CRAT: variants seen among roughly 807,000 people sequenced by gnomAD.
CRAT encodes carnitine O-acetyltransferase, also known as carnitine acetylase.
Under a neutral mutation model 73.7 loss-of-function variants are expected in CRAT, and 66 were observed. That is an observed-to-expected ratio of 0.90 (90% CI 0.73 to 1.10). CRAT has a LOEUF of 1.10. Among genes scored for constraint, CRAT ranks in the 50% least tolerant of loss-of-function variants. The pLI is 0.00. For synonymous variants in CRAT, 321 were observed against 343.2 expected, an observed-to-expected ratio of 0.94 and a Z score of 0.71; for missense variants, 745 against 846.9, an observed-to-expected ratio of 0.88 and a Z score of 1.49.
chr9:129,101,549 G>A (rs577864331), intron 6 of CRAT, among the ~76,000 whole-genome samples: 58 of 152,362 alleles, frequency 3.8e-4, no homozygotes, highest in Middle Eastern at 3.4e-3. Flanking sequence ...TTAAAGACAC[G>A]CTGTTTGAGC....
chr9:129,102,302 G>C (rs921771906), intron 5 of CRAT, 98 bp downstream of exon 5: 1 of 1,513,708 alleles, frequency 6.6e-7, no homozygotes, highest in Non-Finnish European at 9.1e-7. Flanking sequence ...ACGTGGGCAC[G>C]TGTGCTGGGG....
intron 12 of CRAT, 68 bp from the exon 13 acceptor site, chr9:129,096,203 C>T: frequency 6.3e-7 from 1 of 1,590,180 alleles, no homozygotes; most frequent in South Asian, 1.1e-5. Context: ...CCCTCTTCAG[C>T]CTGTGGCAGC....
At chr9:129,109,598 C>G (rs1344395177) in intron 1 of CRAT, among the ~76,000 whole-genome samples, 1 of 152,162 alleles carries the variant, frequency 6.6e-6, no homozygotes, top group Non-Finnish European at 1.5e-5. Context: ...TCGGATGGTC[C>G]TGGAGGATGA....
rs752545690 is a variant in CRAT at position 129,101,870 on chromosome 9, C to T, written c.805+13G>A. On this transcript the variant is annotated intron_variant, in intron 6 of 13. Coordinates refer to ENST00000318080, the MANE Select transcript of CRAT (RefSeq NM_000755.5). ...CCTGGGTGTGCAGCCCCAGCACGGC[C>T]CCCAAGAGGCACCTTTGATGAGGGT... The T allele has an allele frequency of 1.2e-6, 2 of 1,612,478 alleles. No homozygotes were observed. Among genetic ancestry groups the T allele is most frequent in the East Asian group, 4.5e-5 (2 of 44,870 alleles).
At chr9:129,101,753 C>T in intron 6 of CRAT, 130 bp downstream of exon 6, 1 of 1,207,290 alleles carries the variant, frequency 8.3e-7, no homozygotes, top group African/African-American at 1.5e-5. Flanking sequence ...CCTTCATGAA[C>T]TCTTAACCTG....
At position 129,107,623 on chromosome 9, in the gene CRAT, T is replaced by G. The variant is rs1848094038; in HGVS notation, c.291+191A>C. ...TTCATTACCTTTCTCTCCTCCCTACTTGAATGTTAGCTCCAAGGAGCTGGT... is the reference window on the plus strand; with the variant it reads ...TTCATTACCTTTCTCTCCTCCCTACGTGAATGTTAGCTCCAAGGAGCTGGT... On this transcript the variant is annotated intron_variant, in intron 2 of 13. Transcript: ENST00000318080. This position sits in a 1 kb window ranked among gnomAD's most constrained non-coding sequence, Gnocchi z 5.0. The G allele has an allele frequency of 1.3e-6, 1 of 789,324 alleles. No individual in the cohort carries two copies. Among genetic ancestry groups the G allele is most frequent in the East Asian group, 2.7e-5 (1 of 37,496 alleles). 48.9% of individuals were successfully genotyped at this position (789,324 alleles called of 1,614,324 possible). A position where few individuals can be genotyped will look rare whatever the true frequency, so the allele number is the denominator to read the frequency against.
rs1847845477 is a variant in CRAT at position 129,104,060 on chromosome 9, T to A, written c.410+128A>T. The A allele has an allele frequency of 6.5e-6, 4 of 618,172 alleles. No individual in the cohort carries two copies. In the South Asian group the frequency reaches 7.8e-5, roughly 12 times the overall value. The allele number at this position is 618,172 out of a possible 1,614,324, so 38.3% of individuals were successfully genotyped here. A position where few individuals can be genotyped will look rare whatever the true frequency, so the allele number is the denominator to read the frequency against. ...TTCCCCATTTGTAAAATAGGGAGGA[T>A]GCTCCCTACTTCATAAGGCTGCTTG... On this transcript the variant is annotated intron_variant, in intron 3 of 13. Coordinates refer to ENST00000318080, the MANE Select transcript of CRAT (RefSeq NM_000755.5).
rs1395748643 is a variant in CRAT at position 129,106,576 on chromosome 9, T to C, written c.291+1238A>G. ...CTGTTTGAAGGAGTCCCAGGCTAAA[T>C]GAAGTCGGAAAACCACCAGCCCCCA... On this transcript the variant is annotated intron_variant, in intron 2 of 13. Transcript: ENST00000318080. The surrounding 1 kb of genome is among the most constrained non-coding windows in gnomAD (Gnocchi z 4.0). 2.6e-5 allele frequency among the ~76,000 whole-genome samples: 4 copies of C among 151,908 alleles called. No individual in the cohort carries two copies. Among genetic ancestry groups the C allele is most frequent in the African/African-American group, 9.7e-5 (4 of 41,314 alleles).
chr9:129,104,117 C>T, intron 3 of CRAT, 71 bp downstream of exon 3: 1 of 1,181,990 alleles, frequency 8.5e-7, no homozygotes. Flanking sequence ...GTCGGGGCCC[C>T]TCCAAGCGGC....
chr9:129,098,635 A>G lies in CRAT; in HGVS notation c.1101T>C (p.Leu367=). ...GCAGGGGCACCAGGGGAGACCGCAC[A>G]AGCTCGGGTTTCTTCCTGCACAGTA... is the stretch of plus-strand genomic sequence containing the variant. The part of the protein sequence containing the change: ...YVIEYTKKPE[L]VRSPLVPLPM... Residue 367 remains leucine (L), a synonymous_variant, in exon 9 of 14, where the codon CTT becomes CTC. Coordinates refer to ENST00000318080, the MANE Select transcript of CRAT (RefSeq NM_000755.5). The G allele has an allele frequency of 1.2e-6, 2 of 1,602,562 alleles. No homozygotes were observed. Among genetic ancestry groups the G allele is most frequent in the Middle Eastern group, 3.3e-4 (2 of 5,986 alleles).
intron 4 of CRAT, 139 bp from the exon 5 acceptor site, chr9:129,102,704 G>C (rs72760512): frequency 2.1e-5 from 22 of 1,044,914 alleles, no homozygotes; most frequent in Non-Finnish European, 3.0e-5. Flanking sequence ...GGACACCTCA[G>C]GGCTGTGCTG....
chr9:129,104,798 G>T lies in CRAT; in HGVS notation c.292-492C>A, dbSNP rs569657336. ...TTTTTGTATTTTTAGTAGAGACGGG[G>T]TTTCACCGTGTTAGCCAGGATGGTC... On this transcript the variant is annotated intron_variant, in intron 2 of 13. Transcript: ENST00000318080. Among the ~76,000 whole-genome samples the T allele has an allele frequency of 2.0e-5, 3 of 151,090 alleles. No homozygotes were observed. The South Asian group carries it at 6.3e-4, about 32-fold the overall frequency.
rs749739369 is a variant in CRAT at position 129,107,933 on chromosome 9, C to T, written c.172G>A (p.Val58Met). ...GTGTGGGCCCACTCCTCCTCACTCA[C>T]GATGGGCTGCAGCGCCTTCAGGTAG... Reference protein sequence around the residue: ...DHYLKALQPIVSEEEWAHTKQ... With the variant: ...DHYLKALQPIMSEEEWAHTKQ... Residue 58 changes from valine (V) to methionine (M), a missense_variant, in exon 2 of 14, where the codon GTG becomes ATG. By Grantham distance (21) the Val-to-Met change is conservative. Coordinates refer to ENST00000318080, the MANE Select transcript of CRAT (RefSeq NM_000755.5). This position sits in a 1 kb window ranked among gnomAD's most constrained non-coding sequence, Gnocchi z 5.0. 2.4e-5 allele frequency: 39 copies of T among 1,609,788 alleles called. 1 individual carries two copies. The highest frequency in any genetic ancestry group is 1.6e-4 in the South Asian group (15 of 90,986).
chr9:129,100,751 C>T, intron 6 of CRAT, 62 bp from the exon 7 acceptor site: 1 of 1,536,736 alleles, frequency 6.5e-7, no homozygotes, highest in Non-Finnish European at 8.8e-7. Flanking sequence ...AGAGATGGAC[C>T]AGCCCCTCCG....
chr9:129,102,652 G>A lies in CRAT; in HGVS notation c.465-87C>T. 4 of 1,455,196 alleles carry A rather than the reference G, an allele frequency of 2.7e-6. No individual in the cohort carries two copies. In the South Asian group the frequency reaches 4.9e-5, roughly 18 times the overall value. 90.1% of individuals were successfully genotyped at this position (1,455,196 alleles called of 1,614,324 possible). On this transcript the variant is annotated intron_variant, in intron 4 of 13. Transcript: ENST00000318080. ...AGACAGGGACCTGCTAGGTACTGCT[G>A]GGGGCTCACACAGTGTCCCTGCTCC...
intron 8 of CRAT, among the ~76,000 whole-genome samples, chr9:129,099,503 C>T (rs147909333): frequency 0.033 from 4,892 of 149,556 alleles, 272 homozygotes; most frequent in African/African-American, 0.11. Flanking sequence ...CTCCGCTCAA[C>T]GCAACCTCTG....
rs893630471 is a variant in CRAT, at chr9:129,097,720, G to GA, written c.1464+292dup. 2.1e-3 allele frequency: 843 copies of GA among 392,352 alleles called. 2 individuals are homozygous for GA. The highest frequency in any genetic ancestry group is 4.0e-3 in the South Asian group (96 of 23,900). 24.3% of individuals were successfully genotyped at this position (392,352 alleles called of 1,614,324 possible). On this transcript the variant is annotated intron_variant, in intron 11 of 13. Coordinates refer to ENST00000318080, the MANE Select transcript of CRAT (RefSeq NM_000755.5). Reference sequence around the variant, plus strand: ...TGAGACTCTTTCTAAAAAAAAACAAGAAAAAAAAAGAGCGAGTATTGCAAC... The same window carrying GA: ...TGAGACTCTTTCTAAAAAAAAACAAGAAAAAAAAAAGAGCGAGTATTGCAAC...
At position 129,095,616 on chromosome 9, in the gene CRAT, G is replaced by A; in HGVS notation, c.1666-4C>T. On this transcript the variant is annotated splice_region_variant and splice_polypyrimidine_tract_variant and intron_variant, in intron 13 of 13. Transcript: ENST00000318080. ...CACAGTCTGTCTTGGCAGGGACCTGGGGACGGCAGGATGAAAGCTCTCAGC... is the reference window on the plus strand; with the variant it reads ...CACAGTCTGTCTTGGCAGGGACCTGAGGACGGCAGGATGAAAGCTCTCAGC... The A allele has an allele frequency of 1.2e-6, 2 of 1,611,484 alleles. No individual in the cohort carries two copies. The highest frequency in any genetic ancestry group is 1.7e-6 in the Non-Finnish European group (2 of 1,179,336).
chr9:129,108,502 G>A, intron 1 of CRAT: 1 of 1,160,258 alleles, frequency 8.6e-7, no homozygotes, highest in Non-Finnish European at 1.1e-6. Flanking sequence ...GAAACAGAAG[G>A]GAAGAAGAGA....
Sources: gnomAD v4.1 joint callset for allele counts (sites outside exome capture counted in the v4.1 genomes callset) on GRCh38, gnomAD v4.1.1 for gene constraint, Gnocchi (gnomAD v3.1) non-coding constraint, MANE v1.5 for transcripts, NCBI Gene and HGNC (gene_info 2026-07-23, HGNC 2026-07-21) for gene names.